The following GPN3 variants were observed in gnomAD, a reference collection of about 807,000 sequenced individuals.
The protein encoded by GPN3 is ATP-binding domain 1 family member C.
A neutral mutation model predicts 38.7 loss-of-function variants in GPN3; 31 were observed. The ratio of observed to expected loss-of-function variants is 0.80; its 90% CI spans 0.60 to 1.08. The LOEUF is 1.08. GPN3 is among the 50% of genes least tolerant of loss of function. The pLI, the probability that GPN3 is intolerant of heterozygous loss-of-function variation, is 0.00. For synonymous variants in GPN3, 116 were observed against 120.2 expected (o/e 0.96, Z 0.23); for missense variants, 301 against 354.4 (o/e 0.85, Z 1.21).
intron 7 of GPN3, among the ~76,000 whole-genome samples, chr12:110,453,346 T>C (rs569927764): frequency 6.6e-6 from 1 of 152,262 alleles, no homozygotes; most frequent in Non-Finnish European, 1.5e-5. Context: ...TTCAAGACGA[T>C]TCTTGGCTAA....
At chr12:110,463,611 A>T (rs1335274864) in intron 2 of GPN3, among the ~76,000 whole-genome samples, 1 of 19,180 alleles carries the variant, frequency 5.2e-5, no homozygotes, top group Non-Finnish European at 1.3e-4. Flanking sequence ...CTCTACAAAA[A>T]AAAAAAAAAA....
At chr12:110,462,761 A>ATT (rs780637158) in intron 2 of GPN3, among the ~76,000 whole-genome samples, 3 of 129,612 alleles carry the variant, frequency 2.3e-5, no homozygotes, top group Non-Finnish European at 5.0e-5. Context: ...CTAATTTTGT[A>ATT]TTTTTTTTTT....
At chr12:110,457,445 C>G (rs1277450644) in intron 4 of GPN3, 65 bp downstream of exon 4, 4 of 1,321,378 alleles carry the variant, frequency 3.0e-6, no homozygotes, top group South Asian at 3.0e-5. Context: ...GAGTAAGACT[C>G]TGTCACACAC....
At chr12:110,459,316 C>G (rs1439215873) in intron 3 of GPN3, among the ~76,000 whole-genome samples, 2 of 151,576 alleles carry the variant, frequency 1.3e-5, no homozygotes, top group Non-Finnish European at 2.9e-5. Context: ...TCTTGGCTCA[C>G]TGCAAGCTCC....
At chr12:110,460,006 G>A in intron 2 of GPN3, 144 bp from the exon 3 acceptor site, 1 of 644,118 alleles carries the variant, frequency 1.6e-6, no homozygotes, top group Non-Finnish European at 2.7e-6. Flanking sequence ...CCCTGTAGCA[G>A]TGTCCATCAA....
In GPN3 at chr12:110,457,632, G is replaced by C. The variant is rs2062559927; in HGVS notation, c.328C>G (p.Gln110Glu). The C allele has an allele frequency of 6.3e-7, 1 of 1,589,650 alleles. No individual in the cohort carries two copies. The highest frequency in any genetic ancestry group is 8.6e-7 in the Non-Finnish European group (1 of 1,168,614). Reference protein sequence around the residue: ...DDYILFDCPGQIELYTHLPVM... With the variant: ...DDYILFDCPGEIELYTHLPVM... Reference sequence around the variant, plus strand: ...GGCAGGTGAGTGTACAACTCAATCTGACCTACATGAAGAGTATTGCAAGAA... The same window carrying C: ...GGCAGGTGAGTGTACAACTCAATCTCACCTACATGAAGAGTATTGCAAGAA... Residue 110 changes from glutamine (Q) to glutamate (E), a missense_variant and splice_region_variant, in exon 4 of 8, where the codon CAG (glutamine) becomes GAG (glutamate). By Grantham distance (29) the Gln-to-Glu change is conservative. Coordinates refer to ENST00000228827, the MANE Select transcript of GPN3 (RefSeq NM_016301.4).
chr12:110,466,507 CT>C (rs981018747), intron 1 of GPN3, among the ~76,000 whole-genome samples: 97 of 146,012 alleles, frequency 6.6e-4, no homozygotes, highest in Non-Finnish European at 6.7e-4. Context: ...CACACTGTAT[CT>C]TTTTTTTTTT....
upstream of GPN3, chr12:110,468,644 T>C (rs1592971623): frequency 6.5e-7 from 1 of 1,537,048 alleles, no homozygotes; most frequent in Non-Finnish European, 8.7e-7. Context: ...CATGTATATT[T>C]CCCTCCTGTG....
At chr12:110,459,157 C>T (rs1246363947) in intron 3 of GPN3, among the ~76,000 whole-genome samples, 1 of 152,170 alleles carries the variant, frequency 6.6e-6, no homozygotes, top group Non-Finnish European at 1.5e-5. Context: ...ATGTGAGCTC[C>T]ATGAGGCCAG....
At chr12:110,463,943 C>T (rs2062609917) in intron 2 of GPN3, among the ~76,000 whole-genome samples, 1 of 152,130 alleles carries the variant, frequency 6.6e-6, no homozygotes, top group Admixed American at 6.6e-5. Context: ...CTTTAGCTCA[C>T]TGACATCTTA....
chr12:110,467,269 C>T (rs1291211100), intron 1 of GPN3, among the ~76,000 whole-genome samples: 3 of 152,058 alleles, frequency 2.0e-5, no homozygotes, highest in Non-Finnish European at 4.4e-5. Context: ...GGATTACAGA[C>T]GTGAGCCACC....
At chr12:110,466,505 A>G (rs1219347580) in intron 1 of GPN3, among the ~76,000 whole-genome samples, 2 of 151,802 alleles carry the variant, frequency 1.3e-5, no homozygotes, top group African/African-American at 4.8e-5. Context: ...CACACACTGT[A>G]TCTTTTTTTT....
chr12:110,468,075 C>A, intron 1 of GPN3, 81 bp downstream of exon 1: 3 of 1,607,878 alleles, frequency 1.9e-6, no homozygotes, highest in East Asian at 4.5e-5. Flanking sequence ...TACACACACC[C>A]GCCGGCTCAC....
chr12:110,463,035 C>T (rs2062601356), intron 2 of GPN3, among the ~76,000 whole-genome samples: 2 of 152,182 alleles, frequency 1.3e-5, no homozygotes, highest in African/African-American at 2.4e-5. Flanking sequence ...GGATTACAGG[C>T]GTGAGCCACC....
Position 110,459,703 on chromosome 12 carries a change from T to C in GPN3, c.317A>G (p.Asp106Gly), listed in dbSNP as rs1250017689. The C allele has an allele frequency of 6.2e-7, 1 of 1,609,700 alleles. No homozygotes were observed. Among genetic ancestry groups the C allele is most frequent in the East Asian group, 2.2e-5 (1 of 44,860 alleles). Reference protein sequence around the residue: ...GHVEDDYILFDCPGQIELYTH... With the variant: ...GHVEDDYILFGCPGQIELYTH... ...TCAAATTGTTGATTCACCTGGACAATCAAAAAGGATATAGTCGTCCTCTAC... is the reference window on the plus strand; with the variant it reads ...TCAAATTGTTGATTCACCTGGACAACCAAAAAGGATATAGTCGTCCTCTAC... The change falls in exon 3 of 8, where the codon GAT becomes GGT. Residue 106 changes from aspartate to glycine, a missense_variant. Transcript: ENST00000228827.
chr12:110,457,485 A>AAAAATT, intron 4 of GPN3, 25 bp downstream of exon 4: 1 of 1,234,216 alleles, frequency 8.1e-7, no homozygotes, highest in Non-Finnish European at 1.1e-6. Flanking sequence ...AAAAAAAAAA[A>AAAAATT]TCTGTAAGAG....
rs60072879 is a variant in GPN3 at position 110,463,606 on chromosome 12, C to CAAAA, written c.157+1496_157+1499dup. 7.5e-4 allele frequency among the ~76,000 whole-genome samples: 48 copies of CAAAA among 64,286 alleles called. 2 individuals are homozygous for CAAAA. Among genetic ancestry groups the CAAAA allele is most frequent in the East Asian group, 1.4e-3 (3 of 2,118 alleles). 42.2% of individuals were successfully genotyped at this position (64,286 alleles called of 152,430 possible). On this transcript the variant is annotated intron_variant, in intron 2 of 7. Transcript: ENST00000228827. The stretch of plus-strand genomic sequence containing the variant: ...GCAGCATGGTGAAACCCTGTCTCTA[C>CAAAA]AAAAAAAAAAAAAAAAAAAAAAAAA...
At chr12:110,457,469 A>C (rs2062558394) in intron 4 of GPN3, 41 bp downstream of exon 4, 3 of 1,373,290 alleles carry the variant, frequency 2.2e-6, no homozygotes, top group African/African-American at 3.0e-5. Context: ...AAAAAAAAAA[A>C]AAAAAAAAAA....
chr12:110,454,652 C>A (rs1444253457), intron 6 of GPN3, among the ~76,000 whole-genome samples: 5 of 151,070 alleles, frequency 3.3e-5, no homozygotes, highest in African/African-American at 9.7e-5. Flanking sequence ...GCACACCTGG[C>A]GCCCTTTTTG....
Sources: gnomAD v4.1 joint callset for allele counts (sites outside exome capture counted in the v4.1 genomes callset) on GRCh38, gnomAD v4.1.1 for gene constraint, MANE v1.5 for transcripts, NCBI Gene and HGNC (gene_info 2026-07-23, HGNC 2026-07-21) for gene names.